The following PHC2 variants were observed in gnomAD, a reference collection of about 807,000 sequenced individuals.
The protein encoded by PHC2 is polyhomeotic homolog 2, also known as polyhomeotic-like protein 2.
In PHC2, 29 loss-of-function variants were observed where a neutral mutation model predicts 87.4. That is an observed-to-expected ratio of 0.33 (90% CI 0.25 to 0.45). The LOEUF (loss-of-function observed/expected upper bound fraction) is 0.45. Ranked by LOEUF, PHC2 falls within the 20% of genes least tolerant of loss-of-function variation. The probability of loss-of-function intolerance (pLI) is 1.00; values close to 1 mark genes in which losing one functional copy is unlikely to be tolerated. For synonymous variants in PHC2, 438 were observed against 461.7 expected, an observed-to-expected ratio of 0.95 and a Z score of 0.66; for missense variants, 857 against 1,136.7, an observed-to-expected ratio of 0.75 and a Z score of 3.54.
At position 33,331,224 on chromosome 1, in the gene PHC2, T is replaced by G. The variant is rs1646489641; in HGVS notation, c.2006+124A>C. On this transcript the variant is annotated intron_variant, in intron 12 of 14. Coordinates refer to ENST00000683057, the MANE Select transcript of PHC2 (RefSeq NM_001385109.1). The surrounding 1 kb of genome is among the most constrained non-coding windows in gnomAD (Gnocchi z 5.2). Reference sequence around the variant, plus strand: ...TTAGGGATGCCATCCTGCTTCCAGGTGGGTCGAGGAACTAGGAAACTGGAG... The same window carrying G: ...TTAGGGATGCCATCCTGCTTCCAGGGGGGTCGAGGAACTAGGAAACTGGAG... 2.0e-6 allele frequency: 1 copy of G among 512,084 alleles called. No individual in the cohort carries two copies. The highest frequency in any genetic ancestry group is 2.9e-5 in the East Asian group (1 of 34,286). 31.7% of individuals were successfully genotyped at this position (512,084 alleles called of 1,614,324 possible). A position where few individuals can be genotyped will look rare whatever the true frequency, so the allele number is the denominator to read the frequency against.
At chr1:33,335,725 C>A (rs1443906022) in intron 9 of PHC2, among the ~76,000 whole-genome samples, 1 of 152,096 alleles carries the variant, frequency 6.6e-6, no homozygotes, top group Admixed American at 6.5e-5. Flanking sequence ...CATGGTGAAA[C>A]CCTGTCTCTA....
intron 1 of PHC2, among the ~76,000 whole-genome samples, chr1:33,402,835 C>CTTCT (rs1553189460): frequency 2.6e-4 from 39 of 150,980 alleles, no homozygotes; most frequent in African/African-American, 9.2e-4. Context: ...AGGGAAAACT[C>CTTCT]TTTTTTTTGA....
intron 14 of PHC2, 75 bp downstream of exon 14, chr1:33,328,795 C>T: frequency 7.0e-7 from 1 of 1,432,712 alleles, no homozygotes; most frequent in Non-Finnish European, 9.5e-7. Flanking sequence ...ACCTAATCCT[C>T]CTGGTGGTGG....
chr1:33,373,907 G>C (rs1472463035), intron 2 of PHC2, among the ~76,000 whole-genome samples: 1 of 152,132 alleles, frequency 6.6e-6, no homozygotes, highest in South Asian at 2.1e-4. Context: ...CTCTGGCTCA[G>C]ATTTGGGGTT....
intron 1 of PHC2, among the ~76,000 whole-genome samples, chr1:33,409,885 A>G (rs1005525394): frequency 8.5e-5 from 13 of 152,248 alleles, no homozygotes; most frequent in African/African-American, 3.1e-4. Context: ...ATTTTAAACT[A>G]TCCTTATAGG....
intron 9 of PHC2, among the ~76,000 whole-genome samples, chr1:33,342,856 T>C (rs1053762754): frequency 6.6e-6 from 1 of 152,056 alleles, no homozygotes; most frequent in Non-Finnish European, 1.5e-5. Flanking sequence ...AAACGCAAAA[T>C]GTCTAGAACC....
intron 2 of PHC2, 68 bp from the exon 3 acceptor site, chr1:33,372,515 T>A (rs1647917417): frequency 7.3e-7 from 1 of 1,377,962 alleles, no homozygotes; most frequent in Admixed American, 2.8e-5. Flanking sequence ...TTGGCAGTAA[T>A]GCCTTGCCCA....
rs1440780225 is a variant in PHC2, at chr1:33,349,850, G to A, written c.1558+4551C>T. On this transcript the variant is annotated intron_variant, in intron 9 of 14. Transcript: ENST00000683057. This position sits in a 1 kb window ranked among gnomAD's most constrained non-coding sequence, Gnocchi z 4.2. ...GCGCGGGCGGCGGCCGGGGTTGCGC[G>A]CGCGCGCGCGGCGGGCGCTCGAGGG... The A allele has an allele frequency of 5.1e-6, 5 of 976,898 alleles. No homozygotes were observed. Among genetic ancestry groups the A allele is most frequent in the South Asian group, 4.6e-5 (1 of 21,780 alleles). The allele number at this position is 976,898 out of a possible 1,614,324, so 60.5% of individuals were successfully genotyped here.
At chr1:33,421,925 A>G (rs1650451063) in intron 1 of PHC2, among the ~76,000 whole-genome samples, 1 of 152,176 alleles carries the variant, frequency 6.6e-6, no homozygotes, top group East Asian at 1.9e-4. Context: ...GTTACTCCTA[A>G]GGGCTTTAAC....
At chr1:33,386,032 G>A (rs1648727479) in intron 1 of PHC2, among the ~76,000 whole-genome samples, 1 of 151,488 alleles carries the variant, frequency 6.6e-6, no homozygotes, top group African/African-American at 2.4e-5. Context: ...CCTGGCCTCA[G>A]GTGATCCACC....
intron 1 of PHC2, 44 bp from the exon 2 acceptor site, chr1:33,375,637 C>T: frequency 2.4e-6 from 3 of 1,243,312 alleles, no homozygotes; most frequent in East Asian, 2.7e-5. Context: ...CAGACGCTTA[C>T]TAGAGAATGT....
At chr1:33,355,583 T>A (rs1429954112) in intron 7 of PHC2, among the ~76,000 whole-genome samples, 1 of 152,254 alleles carries the variant, frequency 6.6e-6, no homozygotes, top group African/African-American at 2.4e-5. Flanking sequence ...TACTGGATTC[T>A]AAGTGTGACA....
At chr1:33,428,148 G>A (rs1026409774) in intron 1 of PHC2, among the ~76,000 whole-genome samples, 7 of 152,348 alleles carry the variant, frequency 4.6e-5, no homozygotes, top group African/African-American at 1.7e-4. Context: ...AGAAACTGAA[G>A]TCAAAGTCAT....
chr1:33,372,427 G>T lies in PHC2; in HGVS notation c.195C>A (p.His65Gln), dbSNP rs2148329288. Residue 65 changes from histidine to glutamine, a missense_variant, in exon 3 of 15, where the codon CAC (histidine) becomes CAA (glutamine). Around this residue, in one of 3 missense-constraint regions of PHC2, gnomAD observed 832 missense variants for 1,081.8 expected, o/e 0.77. Transcript: ENST00000683057. ...QTVQVIQQAL[H>Q]RQPSTAAQYL... ...ACTGAGCGGCCGTGCTGGGCTGTCT[G>T]TGCAGGGCCTGCTGGATCACCTGAG... The T allele has an allele frequency of 7.6e-6, 12 of 1,577,332 alleles. No individual in the cohort carries two copies. The highest frequency in any genetic ancestry group is 9.5e-6 in the Non-Finnish European group (11 of 1,158,214).
At chr1:33,406,521 G>A (rs564827667) in intron 1 of PHC2, among the ~76,000 whole-genome samples, 2 of 152,222 alleles carry the variant, frequency 1.3e-5, no homozygotes, top group East Asian at 3.9e-4. Flanking sequence ...ATCTTCTTGA[G>A]GGCAAAATCA....
intron 9 of PHC2, among the ~76,000 whole-genome samples, chr1:33,351,030 A>G (rs1331036904): frequency 6.6e-6 from 1 of 152,122 alleles, no homozygotes; most frequent in African/African-American, 2.4e-5. Flanking sequence ...TCCAGGTCCT[A>G]CCTATCCTTC....
At chr1:33,393,391 G>A (rs1649154734) in intron 1 of PHC2, among the ~76,000 whole-genome samples, 1 of 151,404 alleles carries the variant, frequency 6.6e-6, no homozygotes. Flanking sequence ...GGTGCTGACT[G>A]GAAAATCCTC....
chr1:33,398,371 T>C (rs1649379492), intron 1 of PHC2, among the ~76,000 whole-genome samples: 1 of 152,228 alleles, frequency 6.6e-6, no homozygotes, highest in Non-Finnish European at 1.5e-5. Flanking sequence ...CCAATCAAAA[T>C]GGCACTAAGC....
Position 33,332,101 on chromosome 1 carries a change from C to T in PHC2, c.1891+174G>A, listed in dbSNP as rs892456036. 1.3e-5 allele frequency among the ~76,000 whole-genome samples: 2 copies of T among 152,168 alleles called. No individual in the cohort carries two copies. The highest frequency in any genetic ancestry group is 4.8e-5 in the African/African-American group (2 of 41,430). ...GGGGGAGCAGAGGACACATGGTTCCCGTGATTTCCCCTATCCCTCTTTTTG... is the reference window on the plus strand; with the variant it reads ...GGGGGAGCAGAGGACACATGGTTCCTGTGATTTCCCCTATCCCTCTTTTTG... On this transcript the variant is annotated intron_variant, in intron 11 of 14. Coordinates refer to ENST00000683057, the MANE Select transcript of PHC2 (RefSeq NM_001385109.1). The surrounding 1 kb of genome is among the most constrained non-coding windows in gnomAD (Gnocchi z 4.2).
Sources: allele counts gnomAD v4.1 joint callset (sites outside exome capture counted in the v4.1 genomes callset), GRCh38; gene constraint gnomAD v4.1.1; regional missense constraint gnomAD v4.1.1; non-coding constraint Gnocchi (gnomAD v3.1); transcripts MANE v1.5; gene names NCBI Gene and HGNC (gene_info 2026-07-23, HGNC 2026-07-21).